Variants in ADGRL3 observed in about 807,000 individuals in gnomAD.
ADGRL3 encodes the protein adhesion G protein-coupled receptor L3.
A neutral mutation model predicts 153.5 loss-of-function variants in ADGRL3; 62 were observed. The observed-to-expected ratio is 0.40, with a 90% CI of 0.33 to 0.50. The LOEUF (loss-of-function observed/expected upper bound fraction) is 0.50. Among genes scored for constraint, ADGRL3 ranks in the 20% least tolerant of loss-of-function variants. ADGRL3 has a pLI of 0.47. For synonymous variants in ADGRL3, 710 were observed against 672.5 expected (o/e 1.06, Z -0.86); for missense variants, 1,641 against 1,859.4 (o/e 0.88, Z 2.16).
chr4:61,429,210 G>A (rs534335940), intron 2 of ADGRL3, among the ~76,000 whole-genome samples: 1 of 152,192 alleles, frequency 6.6e-6, no homozygotes, highest in Admixed American at 6.5e-5. Context: ...GACAGTGATA[G>A]GATATTGAAG....
chr4:61,773,218 C>G (rs1276856107), intron 8 of ADGRL3, among the ~76,000 whole-genome samples: 2 of 152,106 alleles, frequency 1.3e-5, no homozygotes, highest in South Asian at 2.1e-4. Context: ...TCTGCACTAG[C>G]ACCAGAGACT....
intron 4 of ADGRL3, among the ~76,000 whole-genome samples, chr4:61,527,622 T>C (rs2098576668): frequency 6.6e-6 from 1 of 152,188 alleles, no homozygotes; most frequent in South Asian, 2.1e-4. Flanking sequence ...TTTGTTGTAG[T>C]TCAGAGAATC....
At chr4:61,967,032 A>C (rs2099009432) in intron 17 of ADGRL3, among the ~76,000 whole-genome samples, 3 of 152,154 alleles carry the variant, frequency 2.0e-5, no homozygotes, top group South Asian at 4.1e-4. Flanking sequence ...CAAGACCAAA[A>C]ATATGCTTAG....
intron 8 of ADGRL3, among the ~76,000 whole-genome samples, chr4:61,800,958 A>T (rs2097488482): frequency 6.6e-6 from 1 of 152,156 alleles, no homozygotes. Flanking sequence ...ATTGATCTTT[A>T]TACAAACAAG....
chr4:62,034,512 A>G (rs1183615967), intron 23 of ADGRL3, among the ~76,000 whole-genome samples: 4 of 151,830 alleles, frequency 2.6e-5, no homozygotes, highest in Non-Finnish European at 5.9e-5. Flanking sequence ...CAGAAAACGT[A>G]TAATTATTTT....
intron 1 of ADGRL3, among the ~76,000 whole-genome samples, chr4:61,265,052 A>T (rs2092764250): frequency 6.6e-6 from 1 of 151,872 alleles, no homozygotes; most frequent in South Asian, 2.1e-4. Flanking sequence ...AAAGGTAGGG[A>T]AGAAAAAAAG....
chr4:61,846,948 ATGTG>A (rs72301670), intron 9 of ADGRL3, among the ~76,000 whole-genome samples: 20 of 145,788 alleles, frequency 1.4e-4, no homozygotes, highest in Admixed American at 2.1e-4. Flanking sequence ...TTTATATATT[ATGTG>A]TGTGTGTGTG....
intron 9 of ADGRL3, 129 bp downstream of exon 9, chr4:61,814,018 T>C (rs1270710108): frequency 1.7e-6 from 2 of 1,157,896 alleles, no homozygotes; most frequent in Non-Finnish European, 2.4e-6. Flanking sequence ...AGTATGTGAG[T>C]AATCTGGAGA....
chr4:61,618,839 C>T (rs1195554716), intron 5 of ADGRL3, among the ~76,000 whole-genome samples: 3 of 152,126 alleles, frequency 2.0e-5, no homozygotes, highest in African/African-American at 7.2e-5. Context: ...TCCTCAGCCA[C>T]TTAAGTAGTT....
At chr4:61,299,844 A>G (rs890395944) in intron 1 of ADGRL3, among the ~76,000 whole-genome samples, 9 of 152,194 alleles carry the variant, frequency 5.9e-5, no homozygotes, top group African/African-American at 2.2e-4. Flanking sequence ...TGCAATAGAA[A>G]TGCTTTTCTA....
intron 4 of ADGRL3, among the ~76,000 whole-genome samples, chr4:61,524,385 A>ATTCT (rs1391337322): frequency 6.6e-6 from 1 of 151,924 alleles, no homozygotes; most frequent in Non-Finnish European, 1.5e-5. Flanking sequence ...GTTCTAACTT[A>ATTCT]TTCTTTCTTT....
chr4:61,791,356 G>A (rs1297657797), intron 8 of ADGRL3, among the ~76,000 whole-genome samples: 1 of 152,152 alleles, frequency 6.6e-6, no homozygotes, highest in African/African-American at 2.4e-5. Flanking sequence ...ATCCAGGGAG[G>A]GCAGTCAAAT....
intron 4 of ADGRL3, among the ~76,000 whole-genome samples, chr4:61,574,416 T>C (rs1216810919): frequency 1.3e-5 from 2 of 151,964 alleles, no homozygotes; most frequent in Non-Finnish European, 2.9e-5. Flanking sequence ...TTTGAAATAG[T>C]AAAATGTTGG....
At chr4:61,584,521 C>G (rs2149324297) in intron 4 of ADGRL3, among the ~76,000 whole-genome samples, 1 of 152,024 alleles carries the variant, frequency 6.6e-6, no homozygotes, top group South Asian at 2.1e-4. Context: ...AACCAAATTC[C>G]CCACTTACTG....
intron 4 of ADGRL3, among the ~76,000 whole-genome samples, chr4:61,518,662 G>T (rs555111348): frequency 6.6e-6 from 1 of 152,158 alleles, no homozygotes; most frequent in African/African-American, 2.4e-5. Flanking sequence ...AAGTCACATC[G>T]TTCAATCTCT....
At chr4:61,311,781 A>G (rs574948811) in intron 1 of ADGRL3, among the ~76,000 whole-genome samples, 1 of 152,280 alleles carries the variant, frequency 6.6e-6, no homozygotes, top group South Asian at 2.1e-4. Flanking sequence ...AGGGTAATTA[A>G]AATACTCTGG....
At chr4:62,016,332 C>T (rs1380010285) in intron 21 of ADGRL3, among the ~76,000 whole-genome samples, 1 of 152,176 alleles carries the variant, frequency 6.6e-6, no homozygotes, top group Non-Finnish European at 1.5e-5. Context: ...CAGGCATAAG[C>T]CACCACGCCC....
intron 18 of ADGRL3, 79 bp downstream of exon 18, chr4:61,979,851 T>C (rs145810384): frequency 2.8e-5 from 32 of 1,157,532 alleles, no homozygotes; most frequent in Middle Eastern, 4.0e-4. Flanking sequence ...AAAATACTTA[T>C]GTTTGAAAGT....
chr4:61,469,474 AT>A (rs2097920186), intron 2 of ADGRL3, among the ~76,000 whole-genome samples: 1 of 151,968 alleles, frequency 6.6e-6, no homozygotes, highest in East Asian at 1.9e-4. Flanking sequence ...CCTTAGAAGC[AT>A]TGGTCAGTTT....
Sources: gnomAD v4.1 joint callset for allele counts (sites outside exome capture counted in the v4.1 genomes callset) on GRCh38, gnomAD v4.1.1 for gene constraint, MANE v1.5 for transcripts, NCBI Gene and HGNC (gene_info 2026-07-23, HGNC 2026-07-21) for gene names.